Variants in KIF6 observed in about 807,000 individuals in gnomAD.
KIF6 encodes kinesin family member 6.
A neutral mutation model predicts 112.7 loss-of-function variants in KIF6; 106 were observed. That is an observed-to-expected ratio of 0.94 (90% confidence interval 0.80 to 1.11). The LOEUF is 1.11. Ranked by LOEUF, KIF6 falls within the 50% of genes least tolerant of loss-of-function variation. The pLI is 0.00. For missense variants in KIF6, 929 were observed against 964.0 expected (o/e 0.96, Z 0.48); for synonymous variants, 339 against 339.9 (o/e 1.00, Z 0.03).
intron 13 of KIF6, among the ~76,000 whole-genome samples, chr6:39,442,630 A>G (rs1771987875): frequency 6.6e-6 from 1 of 152,182 alleles, no homozygotes; most frequent in Non-Finnish European, 1.5e-5. Flanking sequence ...AACTGGATCT[A>G]TTGAGTCTTT....
At chr6:39,517,090 A>G (rs1229471206) in intron 13 of KIF6, among the ~76,000 whole-genome samples, 2 of 152,178 alleles carry the variant, frequency 1.3e-5, no homozygotes, top group Non-Finnish European at 1.5e-5. Context: ...ACTGTACTGA[A>G]ATACCCTACC....
At chr6:39,424,967 C>T (rs1455005562) in intron 14 of KIF6, among the ~76,000 whole-genome samples, 3 of 152,196 alleles carry the variant, frequency 2.0e-5, no homozygotes, top group African/African-American at 2.4e-5. Context: ...CTTCCAAGAT[C>T]AGTTCCAGAA....
chr6:39,414,214 C>T (rs553195030), intron 15 of KIF6, among the ~76,000 whole-genome samples: 6 of 152,260 alleles, frequency 3.9e-5, no homozygotes, highest in Admixed American at 6.5e-5. Context: ...CAGGCTTTCT[C>T]GAGTCCTTAT....
At chr6:39,548,222 T>C (rs750070590) in intron 10 of KIF6, among the ~76,000 whole-genome samples, 1 of 152,212 alleles carries the variant, frequency 6.6e-6, no homozygotes, top group South Asian at 2.1e-4. Context: ...AAGGCTGAAG[T>C]GGACTCCTAG....
At chr6:39,350,599 G>C (rs1049330245) in intron 19 of KIF6, among the ~76,000 whole-genome samples, 2 of 152,132 alleles carry the variant, frequency 1.3e-5, no homozygotes, top group Non-Finnish European at 2.9e-5. Flanking sequence ...CCTTGGGAAC[G>C]TGGGAATGCC....
chr6:39,394,815 C>T (rs1260747620), intron 15 of KIF6, among the ~76,000 whole-genome samples: 1 of 152,200 alleles, frequency 6.6e-6, no homozygotes, highest in Non-Finnish European at 1.5e-5. Context: ...ATAACATAAT[C>T]GAGTCACAGA....
intron 13 of KIF6, among the ~76,000 whole-genome samples, chr6:39,448,608 T>C (rs903458923): frequency 1.8e-4 from 28 of 152,338 alleles, no homozygotes; most frequent in African/African-American, 6.3e-4. Context: ...CTTCCTTCCC[T>C]GGCTTTCTGT....
chr6:39,369,827 G>T (rs989759827), intron 16 of KIF6, among the ~76,000 whole-genome samples: 1 of 152,048 alleles, frequency 6.6e-6, no homozygotes, highest in African/African-American at 2.4e-5. Flanking sequence ...TGTTCAAATG[G>T]GAGCTCTCTC....
chr6:39,512,683 C>T (rs2150512102), intron 13 of KIF6, among the ~76,000 whole-genome samples: 1 of 152,262 alleles, frequency 6.6e-6, no homozygotes, highest in East Asian at 1.9e-4. Flanking sequence ...GAATACAGGC[C>T]CACCCTAAGC....
intron 7 of KIF6, among the ~76,000 whole-genome samples, chr6:39,595,099 AG>A (rs1561847022): frequency 6.6e-6 from 1 of 152,204 alleles, no homozygotes; most frequent in Non-Finnish European, 1.5e-5. Context: ...AGAAGTAGGA[AG>A]GGAAAGCTAC....
intron 10 of KIF6, among the ~76,000 whole-genome samples, chr6:39,562,580 C>T (rs1780066873): frequency 6.6e-6 from 1 of 152,188 alleles, no homozygotes; most frequent in Non-Finnish European, 1.5e-5. Context: ...AAACCTCACA[C>T]CTTTATGGCT....
intron 3 of KIF6, among the ~76,000 whole-genome samples, chr6:39,683,732 A>T (rs952437163): frequency 6.6e-6 from 1 of 152,224 alleles, no homozygotes; most frequent in Admixed American, 6.5e-5. Flanking sequence ...ACAGAAGAAC[A>T]GCCGAGTGGG....
intron 15 of KIF6, among the ~76,000 whole-genome samples, chr6:39,394,858 T>G (rs966638643): frequency 6.6e-6 from 1 of 152,192 alleles, no homozygotes; most frequent in African/African-American, 2.4e-5. Flanking sequence ...ATAAAAGATA[T>G]CAATACTTTC....
intron 13 of KIF6, among the ~76,000 whole-genome samples, chr6:39,455,908 AG>A (rs1465626955): frequency 2.9e-5 from 3 of 104,230 alleles, no homozygotes; most frequent in African/African-American, 1.1e-4. Flanking sequence ...TGTACCTGAA[AG>A]TGATGCGGAG....
intron 13 of KIF6, among the ~76,000 whole-genome samples, chr6:39,502,516 G>C (rs544258735): frequency 1.3e-5 from 2 of 152,190 alleles, no homozygotes; most frequent in East Asian, 3.9e-4. Flanking sequence ...AGTGCAAATG[G>C]GCTAAATGCC....
intron 15 of KIF6, among the ~76,000 whole-genome samples, chr6:39,398,514 T>C (rs955724921): frequency 2.0e-5 from 3 of 152,224 alleles, no homozygotes; most frequent in Non-Finnish European, 2.9e-5. Flanking sequence ...CTGGATATTA[T>C]CTTTGAGAAA....
chr6:39,637,961 AGACAT>A (rs1784714045), intron 4 of KIF6, among the ~76,000 whole-genome samples: 1 of 152,092 alleles, frequency 6.6e-6, no homozygotes, highest in Non-Finnish European at 1.5e-5. Context: ...AGTACTAAGG[AGACAT>A]TTAGACATTT....
At position 39,652,141 on chromosome 6, in the gene KIF6, C is replaced by T. The variant is rs138198501; in HGVS notation, c.252-12384G>A. ...GAAGGGAATAGTGTTCACAAAATTC[C>T]GTGAGACACATATCCTACTATTAGC... is the stretch of plus-strand genomic sequence containing the variant. On this transcript the variant is annotated intron_variant, in intron 3 of 22. Transcript: ENST00000287152. Among the ~76,000 whole-genome samples the T allele has an allele frequency of 1.4e-4, 21 of 152,226 alleles. 2 individuals carry two copies. Among genetic ancestry groups the T allele is most frequent in the Middle Eastern group, 3.4e-3 (1 of 294 alleles).
At chr6:39,397,569 C>T (rs956394542) in intron 15 of KIF6, among the ~76,000 whole-genome samples, 3 of 152,092 alleles carry the variant, frequency 2.0e-5, no homozygotes, top group African/African-American at 2.4e-5. Context: ...CCTGAAATTC[C>T]AGTACGCATG....
Sources: gnomAD v4.1 joint callset for allele counts (sites outside exome capture counted in the v4.1 genomes callset) on GRCh38, gnomAD v4.1.1 for gene constraint, MANE v1.5 for transcripts, NCBI Gene and HGNC (gene_info 2026-07-23, HGNC 2026-07-21) for gene names.